ANK2: variants seen among roughly 807,000 people sequenced by gnomAD.
ANK2 encodes ankyrin 2.
ANK2 carries 83 observed loss-of-function variants against 360.5 expected under a neutral mutation model. That is an observed-to-expected ratio of 0.23 (90% confidence interval 0.19 to 0.28). ANK2 has a LOEUF of 0.28. Ranked by LOEUF, ANK2 falls within the 10% of genes least tolerant of loss-of-function variation. ANK2 has a pLI of 1.00. For synonymous variants in ANK2, 1,740 were observed against 1,759.5 expected (o/e 0.99, Z 0.28); for missense variants, 4,201 against 4,795.7 (o/e 0.88, Z 3.66).
At chr4:113,052,823 G>A (rs929630037) in intron 1 of ANK2, among the ~76,000 whole-genome samples, 2 of 152,228 alleles carry the variant, frequency 1.3e-5, no homozygotes, top group East Asian at 1.9e-4. Flanking sequence ...CACAGGATAC[G>A]GGCTTCAGTT....
the ANK2 span, among the ~76,000 whole-genome samples, chr4:112,716,613 G>C: frequency 5.4e-4 from 82 of 152,214 alleles, 1 homozygote; most frequent in African/African-American, 1.9e-3. Flanking sequence ...GGAGTGCAGC[G>C]ATGATTCATA....
At chr4:112,891,057 T>C (rs1324658495) in intron 1 of ANK2, among the ~76,000 whole-genome samples, 2 of 152,202 alleles carry the variant, frequency 1.3e-5, no homozygotes, top group Non-Finnish European at 2.9e-5. Context: ...AAAGTTACTG[T>C]TCCAGGTATT....
At chr4:112,966,074 T>G (rs868209273) in intron 2 of ANK2, among the ~76,000 whole-genome samples, 2 of 151,806 alleles carry the variant, frequency 1.3e-5, no homozygotes, top group South Asian at 2.1e-4. Context: ...TGTAGAACTT[T>G]AAAAAATCTA....
chr4:112,776,630 T>C, the ANK2 span, among the ~76,000 whole-genome samples: 1 of 152,238 alleles, frequency 6.6e-6, no homozygotes, highest in African/African-American at 2.4e-5. Context: ...TGTGCCAAAT[T>C]GGCATATTTT....
intron 1 of ANK2, among the ~76,000 whole-genome samples, chr4:113,121,817 T>G (rs2095377407): frequency 6.6e-6 from 1 of 152,054 alleles, no homozygotes; most frequent in South Asian, 2.1e-4. Flanking sequence ...GTTATTATCT[T>G]GGTGAGAACA....
At chr4:113,381,397 C>T (rs2097167886) in intron 45 of ANK2, 60 bp from the exon 46 acceptor site, 1 of 1,599,694 alleles carries the variant, frequency 6.3e-7, no homozygotes, top group Admixed American at 1.7e-5. Context: ...ACCTTCATTC[C>T]TAACAGCTGC....
At chr4:112,960,426 A>G (rs1393882921) in intron 2 of ANK2, among the ~76,000 whole-genome samples, 1 of 152,016 alleles carries the variant, frequency 6.6e-6, no homozygotes, top group Non-Finnish European at 1.5e-5. Context: ...TGATTATTAT[A>G]CCAGACGCAT....
In ANK2 at chr4:113,156,561, A is replaced by G. The variant is rs1251183242; in HGVS notation, c.85-17855A>G. ...AATTTTCTGTATATTTAGTAGAGAT[A>G]GGGTTTCACCATGTTGCCCTAGAAC... On this transcript the variant is annotated intron_variant, in intron 1 of 45. Coordinates refer to ENST00000357077, the MANE Select transcript of ANK2 (RefSeq NM_001148.6). Among the ~76,000 whole-genome samples the G allele has an allele frequency of 3.3e-5, 5 of 151,696 alleles. No homozygotes were observed. The East Asian group carries it at 9.7e-4, about 29-fold the overall frequency.
chr4:113,274,822 G>A (rs956802258), intron 15 of ANK2, among the ~76,000 whole-genome samples, 173 bp downstream of exon 15: 3 of 152,072 alleles, frequency 2.0e-5, no homozygotes, highest in South Asian at 2.1e-4. Context: ...GTGAGATTCC[G>A]TATATCTTCA....
chr4:113,017,911 C>T (rs756440501), intron 2 of ANK2, among the ~76,000 whole-genome samples: 2 of 152,128 alleles, frequency 1.3e-5, no homozygotes, highest in Non-Finnish European at 2.9e-5. Context: ...ATATTGAAAA[C>T]ATTCATTTTC....
intron 1 of ANK2, among the ~76,000 whole-genome samples, chr4:113,116,252 C>G (rs1011594465): frequency 6.6e-6 from 1 of 152,138 alleles, no homozygotes; most frequent in Admixed American, 6.5e-5. Flanking sequence ...TAATGAGTAC[C>G]TATGTGCCCT....
chr4:112,913,372 C>T (rs910110277), intron 2 of ANK2, among the ~76,000 whole-genome samples: 21 of 152,084 alleles, frequency 1.4e-4, no homozygotes, highest in Non-Finnish European at 1.8e-4. Flanking sequence ...TCTGTGTTAC[C>T]TAGGCTTGCC....
intron 1 of ANK2, among the ~76,000 whole-genome samples, chr4:113,122,260 C>T (rs561918238): frequency 9.1e-4 from 139 of 152,104 alleles, no homozygotes; most frequent in African/African-American, 3.3e-3. Context: ...CTAGTCATCC[C>T]TCTCATTTTT....
At chr4:113,229,197 T>G (rs1489735508) in intron 4 of ANK2, among the ~76,000 whole-genome samples, 1 of 152,248 alleles carries the variant, frequency 6.6e-6, no homozygotes, top group Non-Finnish European at 1.5e-5. Context: ...GATTTATTCT[T>G]TTTTAGTATT....
the ANK2 span, among the ~76,000 whole-genome samples, chr4:112,759,343 C>T: frequency 6.6e-6 from 1 of 152,058 alleles, no homozygotes; most frequent in Non-Finnish European, 1.5e-5. Flanking sequence ...GAAGGTGTCG[C>T]TTCATTGCTC....
chr4:113,373,006 A>G (rs2096793754), intron 43 of ANK2, 84 bp from the exon 44 acceptor site: 2 of 1,164,792 alleles, frequency 1.7e-6, no homozygotes, highest in Non-Finnish European at 2.6e-6. Flanking sequence ...ATTTTCTAAC[A>G]TTCCTCACAT....
intron 2 of ANK2, among the ~76,000 whole-genome samples, chr4:112,994,027 G>A (rs1253342200): frequency 4.6e-5 from 7 of 152,144 alleles, no homozygotes; most frequent in African/African-American, 1.7e-4. Flanking sequence ...ATTCTTTGGA[G>A]TGTCCATCCA....
At chr4:113,092,268 A>T (rs1054393160) in intron 1 of ANK2, among the ~76,000 whole-genome samples, 2 of 152,236 alleles carry the variant, frequency 1.3e-5, no homozygotes, top group Middle Eastern at 3.2e-3. Context: ...AAAAACATAC[A>T]TTACAGCACT....
chr4:113,194,030 A>G (rs1336283400), intron 2 of ANK2, among the ~76,000 whole-genome samples: 1 of 152,112 alleles, frequency 6.6e-6, no homozygotes, highest in Non-Finnish European at 1.5e-5. Flanking sequence ...TGTGTAGTTG[A>G]TTTTCAGTTG....
Sources: gnomAD v4.1 joint callset for allele counts (sites outside exome capture counted in the v4.1 genomes callset) on GRCh38, gnomAD v4.1.1 for gene constraint, MANE v1.5 for transcripts, NCBI Gene and HGNC (gene_info 2026-07-23, HGNC 2026-07-21) for gene names.